Variants in NTRK2 observed in about 807,000 individuals in gnomAD.
The protein encoded by NTRK2 is BDNF/NT-3 growth factors receptor.
Under a neutral mutation model 94.5 loss-of-function variants are expected in NTRK2, and 13 were observed. That is an observed-to-expected ratio of 0.14 (90% CI 0.09 to 0.22). The LOEUF is 0.22. Ranked by LOEUF, NTRK2 falls within the 10% of genes least tolerant of loss-of-function variation. The pLI, the probability that NTRK2 is intolerant of heterozygous loss-of-function variation, is 1.00. For synonymous variants in NTRK2, 372 were observed against 407.4 expected (o/e 0.91, Z 1.05); for missense variants, 639 against 1,071.2 (o/e 0.60, Z 5.63).
intron 4 of NTRK2, among the ~76,000 whole-genome samples, chr9:84,703,523 T>C (rs1044572852): frequency 6.6e-6 from 1 of 152,198 alleles, no homozygotes; most frequent in African/African-American, 2.4e-5. Context: ...TCTTATAAGG[T>C]TCGTCCTCTT....
intron 12 of NTRK2, among the ~76,000 whole-genome samples, chr9:84,754,153 C>G (rs2064873622): frequency 6.6e-6 from 1 of 152,184 alleles, no homozygotes; most frequent in Non-Finnish European, 1.5e-5. Flanking sequence ...TGAGGGCATC[C>G]TTAATGAATT....
chr9:84,673,324 A>G (rs2058819787), intron 2 of NTRK2, among the ~76,000 whole-genome samples: 1 of 152,128 alleles, frequency 6.6e-6, no homozygotes, highest in South Asian at 2.1e-4. Context: ...ACATATTAAT[A>G]TTTGCTTGCA....
chr9:84,693,032 G>C (rs550929718), intron 2 of NTRK2, among the ~76,000 whole-genome samples: 4 of 152,338 alleles, frequency 2.6e-5, no homozygotes, highest in African/African-American at 7.2e-5. Flanking sequence ...TGGTTGCCAG[G>C]AGGAGATGCT....
rs1475973809 is a variant in NTRK2, at chr9:85,022,017, A to T, written c.*580A>T. ...GTTCTTATTGTTTTTGGATGGCTTA[A>T]GCCTGTGTATAAAAAAGAAAACTTG... is the stretch of plus-strand genomic sequence containing the variant. On this transcript the variant is annotated 3_prime_UTR_variant, in exon 19 of 19. Transcript: ENST00000277120. The T allele has an allele frequency of 4.3e-6, 1 of 235,272 alleles. No individual in the cohort carries two copies. The highest frequency in any genetic ancestry group is 8.4e-6 in the Non-Finnish European group (1 of 119,494). The allele number at this position is 235,272 out of a possible 1,614,324, so 14.6% of individuals were successfully genotyped here.
intron 17 of NTRK2, among the ~76,000 whole-genome samples, chr9:85,008,293 A>AACTCT (rs1435508962): frequency 6.6e-6 from 1 of 152,030 alleles, no homozygotes; most frequent in Non-Finnish European, 1.5e-5. Flanking sequence ...GGAGGGCAGG[A>AACTCT]ACTCTATCTA....
chr9:84,945,199 T>C (rs1198819722), intron 15 of NTRK2, among the ~76,000 whole-genome samples: 3 of 152,222 alleles, frequency 2.0e-5, no homozygotes, highest in Middle Eastern at 3.2e-3. Flanking sequence ...CTCCTCACTT[T>C]GGCCCATGTT....
chr9:84,818,457 T>TC (rs2072566021), intron 12 of NTRK2, among the ~76,000 whole-genome samples: 1 of 152,224 alleles, frequency 6.6e-6, no homozygotes. Context: ...CACCCCTTGA[T>TC]CCCAGCAAGT....
chr9:84,672,808 G>T (rs569439069), intron 2 of NTRK2, among the ~76,000 whole-genome samples: 1 of 152,274 alleles, frequency 6.6e-6, no homozygotes, highest in Admixed American at 6.5e-5. Context: ...GAAATCAATT[G>T]ATTTCAGCAG....
At chr9:84,724,169 T>C in intron 7 of NTRK2, 55 bp from the exon 8 acceptor site, 1 of 1,599,654 alleles carries the variant, frequency 6.3e-7, no homozygotes, top group Admixed American at 1.7e-5. Flanking sequence ...CCAAATCTTG[T>C]CACTTTGGGA....
rs572430353 is a variant in NTRK2, at chr9:85,017,646, G to A, written c.2173-2560G>A. 1.3e-4 allele frequency among the ~76,000 whole-genome samples: 20 copies of A among 152,304 alleles called. No individual in the cohort carries two copies. In the South Asian group the frequency reaches 4.1e-3, roughly 32 times the overall value. ...ACTTTAATAAGCCTCAGTCCCTGAT[G>A]GATCTCCTTGAATTGAAGAGGGTTG... is the stretch of plus-strand genomic sequence containing the variant. On this transcript the variant is annotated intron_variant, in intron 17 of 18. Transcript: ENST00000277120.
intron 6 of NTRK2, among the ~76,000 whole-genome samples, chr9:84,718,050 TTCTTCCTCC>T (rs769663549): frequency 2.2e-3 from 152 of 70,572 alleles, no homozygotes; most frequent in African/African-American, 6.8e-3. Context: ...CTTCCTCCTC[TTCTTCCTCC>T]TCTTCTTTCT....
intron 2 of NTRK2, among the ~76,000 whole-genome samples, chr9:84,682,243 C>T (rs928798586): frequency 6.6e-6 from 1 of 152,198 alleles, no homozygotes; most frequent in African/African-American, 2.4e-5. Context: ...CTTCTCATGT[C>T]TGGGAGCCTT....
intron 17 of NTRK2, among the ~76,000 whole-genome samples, chr9:84,956,787 A>C (rs1824189729): frequency 1.3e-5 from 2 of 151,202 alleles, no homozygotes; most frequent in East Asian, 3.9e-4. Context: ...CTTTGCTATA[A>C]TTAGTGTAAG....
chr9:84,743,497 T>A (rs2063817269), intron 10 of NTRK2, among the ~76,000 whole-genome samples: 1 of 152,176 alleles, frequency 6.6e-6, no homozygotes, highest in Non-Finnish European at 1.5e-5. Flanking sequence ...CAAGCTGTGG[T>A]TTGGTTGATT....
intron 12 of NTRK2, among the ~76,000 whole-genome samples, chr9:84,845,477 T>G (rs1028506607): frequency 1.3e-5 from 2 of 152,214 alleles, no homozygotes; most frequent in Non-Finnish European, 2.9e-5. Flanking sequence ...GACTTTAATC[T>G]TGCTAACTTC....
intron 12 of NTRK2, among the ~76,000 whole-genome samples, chr9:84,857,521 C>T (rs1306046463): frequency 6.6e-6 from 1 of 152,132 alleles, no homozygotes; most frequent in Non-Finnish European, 1.5e-5. Flanking sequence ...TGCTTAAATC[C>T]ATCAAGAAAG....
intron 6 of NTRK2, among the ~76,000 whole-genome samples, chr9:84,717,381 A>G (rs1277295395): frequency 1.3e-5 from 2 of 152,212 alleles, no homozygotes; most frequent in Non-Finnish European, 2.9e-5. Context: ...CTTAAGAGAA[A>G]GTGAGGGCCT....
chr9:84,773,851 C>T (rs1047434989), intron 12 of NTRK2, among the ~76,000 whole-genome samples: 1 of 152,068 alleles, frequency 6.6e-6, no homozygotes, highest in Admixed American at 6.6e-5. Context: ...TGGTTTTGTG[C>T]TAAGTGCTTT....
chr9:84,841,952 G>A (rs1484440616), intron 12 of NTRK2, among the ~76,000 whole-genome samples: 3 of 152,212 alleles, frequency 2.0e-5, no homozygotes, highest in Non-Finnish European at 4.4e-5. Flanking sequence ...CGCATCCCAA[G>A]AAAAGTGTCA....
Sources: gnomAD v4.1 joint callset for allele counts (sites outside exome capture counted in the v4.1 genomes callset) on GRCh38, gnomAD v4.1.1 for gene constraint, MANE v1.5 for transcripts, NCBI Gene and HGNC (gene_info 2026-07-23, HGNC 2026-07-21) for gene names.